RAPGEF2: variants seen among roughly 807,000 people sequenced by gnomAD.
RAPGEF2 encodes the protein PDZ domain containing guanine nucleotide exchange factor (GEF) 1.
Under a neutral mutation model 186.7 loss-of-function variants are expected in RAPGEF2, and 54 were observed. The ratio of observed to expected loss-of-function variants is 0.29; its 90% CI spans 0.23 to 0.36. The LOEUF (loss-of-function observed/expected upper bound fraction) is 0.36, where lower values mean the gene tolerates loss of function less well. Ranked by LOEUF, RAPGEF2 falls within the 10% of genes least tolerant of loss-of-function variation. The probability of loss-of-function intolerance (pLI) is 1.00; values close to 1 mark genes in which losing one functional copy is unlikely to be tolerated. For synonymous variants in RAPGEF2, 712 were observed against 705.9 expected (o/e 1.01, Z -0.14); for missense variants, 1,532 against 2,045.0 (o/e 0.75, Z 4.84).
intron 1 of RAPGEF2, among the ~76,000 whole-genome samples, chr4:159,170,082 T>TC (rs71589212): frequency 3.4e-4 from 15 of 44,470 alleles, no homozygotes; most frequent in African/African-American, 1.9e-3. Flanking sequence ...TGCTCATCTC[T>TC]TTTTTTTTTT....
chr4:159,231,542 TAAAG>T (rs1244370947), intron 4 of RAPGEF2, among the ~76,000 whole-genome samples: 1 of 151,936 alleles, frequency 6.6e-6, no homozygotes, highest in Non-Finnish European at 1.5e-5. Flanking sequence ...TGACCATGGA[TAAAG>T]AAAAAATGAG....
At chr4:159,333,260 G>T (rs1368518470) in intron 17 of RAPGEF2, among the ~76,000 whole-genome samples, 1 of 152,136 alleles carries the variant, frequency 6.6e-6, no homozygotes, top group Admixed American at 6.5e-5. Context: ...TTGCAGGTGT[G>T]AGCCACTGCA....
Position 159,348,218 on chromosome 4 carries a change from C to CGATA in RAPGEF2, c.3712+1244_3712+1247dup, listed in dbSNP as rs535075782. Among the ~76,000 whole-genome samples, 1,144 of 145,810 alleles carry CGATA rather than the reference C, an allele frequency of 7.8e-3. 16 individuals carry two copies. Among genetic ancestry groups the CGATA allele is most frequent in the African/African-American group, 0.026 (1,038 of 39,192 alleles). Reference sequence around the variant, plus strand: ...CCTGGGCGACAGAGCAAGACTCTGTCGATAGATAGATAGATAGATAGATAG... The same window carrying CGATA: ...CCTGGGCGACAGAGCAAGACTCTGTCGATAGATAGATAGATAGATAGATAGATAG... On this transcript the variant is annotated intron_variant, in intron 25 of 29. Coordinates refer to ENST00000691494, the MANE Select transcript of RAPGEF2 (RefSeq NM_001394067.2).
intron 8 of RAPGEF2, among the ~76,000 whole-genome samples, chr4:159,309,874 G>GA (rs1342685345): frequency 6.6e-6 from 1 of 152,148 alleles, no homozygotes; most frequent in African/African-American, 2.4e-5. Context: ...AATAAAGAAA[G>GA]TGATGGATCA....
chr4:159,293,599 A>G (rs1305140183), intron 7 of RAPGEF2, among the ~76,000 whole-genome samples: 8 of 152,234 alleles, frequency 5.3e-5, no homozygotes, highest in Admixed American at 3.9e-4. Context: ...AAGAATTTTC[A>G]GTTATAGGTC....
At chr4:159,105,183 G>A (rs1474711059) in intron 1 of RAPGEF2, among the ~76,000 whole-genome samples, 1 of 152,170 alleles carries the variant, frequency 6.6e-6, no homozygotes, top group Non-Finnish European at 1.5e-5. Flanking sequence ...GGATAATGAC[G>A]CATATTCCTA....
chr4:159,357,704 A>G (rs1732232083), intron 29 of RAPGEF2, among the ~76,000 whole-genome samples: 1 of 152,144 alleles, frequency 6.6e-6, no homozygotes, highest in African/African-American at 2.4e-5. Flanking sequence ...ATAAATAGAA[A>G]AACATTACAA....
intron 7 of RAPGEF2, among the ~76,000 whole-genome samples, chr4:159,247,246 A>G (rs1280856747): frequency 6.6e-6 from 1 of 152,126 alleles, no homozygotes; most frequent in South Asian, 2.1e-4. Context: ...ACCATGTTTC[A>G]GGTCTGTCCC....
intron 7 of RAPGEF2, among the ~76,000 whole-genome samples, chr4:159,260,282 A>AT (rs879644732): frequency 0.012 from 1,689 of 144,758 alleles, 22 homozygotes; most frequent in African/African-American, 0.03. Flanking sequence ...ACCCAGCCTA[A>AT]TTTTTTTTTT....
chr4:159,351,437 A>G (rs911561681), intron 26 of RAPGEF2, among the ~76,000 whole-genome samples: 3 of 152,234 alleles, frequency 2.0e-5, no homozygotes, highest in Admixed American at 6.5e-5. Context: ...CCTTTAAAAA[A>G]TAAATCAGGA....
At chr4:159,176,045 A>G (rs1031548952) in intron 1 of RAPGEF2, among the ~76,000 whole-genome samples, 4 of 152,206 alleles carry the variant, frequency 2.6e-5, no homozygotes, top group African/African-American at 7.2e-5. Flanking sequence ...CCTAATGTGA[A>G]TGGTCAAGGT....
chr4:159,353,350 T>G lies in RAPGEF2; in HGVS notation c.4092-137T>G. The G allele has an allele frequency of 2.7e-5, 17 of 622,262 alleles. No homozygotes were observed. Among genetic ancestry groups the G allele is most frequent in the Non-Finnish European group, 4.0e-5 (16 of 402,894 alleles). 38.5% of individuals were successfully genotyped at this position (622,262 alleles called of 1,614,324 possible). A position where few individuals can be genotyped will look rare whatever the true frequency, so the allele number is the denominator to read the frequency against. On this transcript the variant is annotated intron_variant, in intron 27 of 29. Coordinates refer to ENST00000691494, the MANE Select transcript of RAPGEF2 (RefSeq NM_001394067.2). The surrounding 1 kb of genome is among the most constrained non-coding windows in gnomAD (Gnocchi z 4.3). Reference sequence around the variant, plus strand: ...GGCAGAACTGGCCAATATAAGGCAATTCAGTGCTACTTTTATCCTGTTTCT... The same window carrying G: ...GGCAGAACTGGCCAATATAAGGCAAGTCAGTGCTACTTTTATCCTGTTTCT...
At chr4:159,192,709 G>C (rs1748240841) in intron 2 of RAPGEF2, among the ~76,000 whole-genome samples, 2 of 152,160 alleles carry the variant, frequency 1.3e-5, no homozygotes, top group South Asian at 4.1e-4. Flanking sequence ...CCTCCAGTTA[G>C]TCAGTGGTCA....
At chr4:159,219,156 C>A (rs1751266322) in intron 4 of RAPGEF2, among the ~76,000 whole-genome samples, 1 of 152,112 alleles carries the variant, frequency 6.6e-6, no homozygotes, top group African/African-American at 2.4e-5. Flanking sequence ...CACTTATTTA[C>A]CCTGCACCTA....
chr4:159,197,357 A>G (rs976689589), intron 3 of RAPGEF2, among the ~76,000 whole-genome samples: 1 of 152,218 alleles, frequency 6.6e-6, no homozygotes, highest in African/African-American at 2.4e-5. Flanking sequence ...ACTGTTTAAT[A>G]TATAATTACA....
At chr4:159,115,117 A>G (rs1052033558) in intron 1 of RAPGEF2, among the ~76,000 whole-genome samples, 1 of 152,104 alleles carries the variant, frequency 6.6e-6, no homozygotes, top group Non-Finnish European at 1.5e-5. Context: ...AGTCCCACGG[A>G]TTAGCCAACT....
intron 9 of RAPGEF2, among the ~76,000 whole-genome samples, chr4:159,318,169 A>G (rs1196526936): frequency 6.6e-6 from 1 of 152,226 alleles, no homozygotes; most frequent in Non-Finnish European, 1.5e-5. Context: ...TCAAAGATAC[A>G]TTTATTTAAA....
At chr4:159,202,799 AC>A (rs1254941871) in intron 3 of RAPGEF2, among the ~76,000 whole-genome samples, 2 of 152,134 alleles carry the variant, frequency 1.3e-5, no homozygotes, top group East Asian at 3.9e-4. Context: ...ACGGGGTTTC[AC>A]CATGTTGGCC....
chr4:159,220,279 G>C lies in RAPGEF2; in HGVS notation c.281+9696G>C, dbSNP rs554996233. Reference sequence around the variant, plus strand: ...AGACACTAGCACGTGTTTGTGTGTTGATGGAAATGATCCAGTTGAGAGAGG... The same window carrying C: ...AGACACTAGCACGTGTTTGTGTGTTCATGGAAATGATCCAGTTGAGAGAGG... On this transcript the variant is annotated intron_variant, in intron 4 of 29. Transcript: ENST00000691494. Among the ~76,000 whole-genome samples, 4 of 150,172 alleles carry C rather than the reference G, an allele frequency of 2.7e-5. No individual in the cohort carries two copies. The East Asian group carries it at 8.1e-4, about 30-fold the overall frequency.
Sources: gnomAD v4.1 joint callset for allele counts (sites outside exome capture counted in the v4.1 genomes callset) on GRCh38, gnomAD v4.1.1 for gene constraint, Gnocchi (gnomAD v3.1) non-coding constraint, MANE v1.5 for transcripts, NCBI Gene and HGNC (gene_info 2026-07-23, HGNC 2026-07-21) for gene names.